Variants in FYB2 observed in about 807,000 individuals in gnomAD.
FYB2 encodes the protein FYN binding protein 2.
FYB2 carries 103 observed loss-of-function variants against 94.1 expected under a neutral mutation model. The ratio of observed to expected loss-of-function variants is 1.09; its 90% CI spans 0.93 to 1.29. FYB2 has a LOEUF of 1.29. Among genes scored for constraint, FYB2 ranks in the 50% most tolerant of loss-of-function variants. The probability of loss-of-function intolerance (pLI) is 0.00; values close to 1 mark genes in which losing one functional copy is unlikely to be tolerated. For missense variants in FYB2, 896 were observed against 841.5 expected, an observed-to-expected ratio of 1.06 and a Z score of -0.80; for synonymous variants, 293 against 287.9, an observed-to-expected ratio of 1.02 and a Z score of -0.18.
chr1:56,750,845 A>G (rs115201417), intron 9 of FYB2, among the ~76,000 whole-genome samples, 199 bp downstream of exon 9: 142 of 152,118 alleles, frequency 9.3e-4, no homozygotes, highest in Middle Eastern at 3.4e-3. Flanking sequence ...TAAGTATTAG[A>G]GCTTAGGTTT....
At chr1:56,787,057 T>C in intron 4 of FYB2, 118 bp downstream of exon 4, 1 of 1,145,506 alleles carries the variant, frequency 8.7e-7, no homozygotes, top group Non-Finnish European at 1.3e-6. Context: ...GTTCACTGCT[T>C]CTGAAACCCT....
intron 6 of FYB2, 43 bp from the exon 7 acceptor site, chr1:56,755,970 G>T (rs371178302): frequency 1.3e-6 from 2 of 1,570,490 alleles, no homozygotes; most frequent in Non-Finnish European, 1.8e-6. Context: ...AAATCAACCT[G>T]AATCAGGCTC....
At chr1:56,777,344 T>A (rs1222771888) in intron 4 of FYB2, among the ~76,000 whole-genome samples, 1 of 149,772 alleles carries the variant, frequency 6.7e-6, no homozygotes, top group African/African-American at 2.4e-5. Flanking sequence ...GAGCTCAAAC[T>A]ATGAATCCAA....
chr1:56,814,183 T>C (rs1365737339), intron 1 of FYB2, among the ~76,000 whole-genome samples: 1 of 152,174 alleles, frequency 6.6e-6, no homozygotes, highest in East Asian at 1.9e-4. Context: ...GCTAGGAAAC[T>C]GGAACATGAG....
chr1:56,722,247 T>C (rs1423944537), intron 17 of FYB2, among the ~76,000 whole-genome samples: 1 of 152,146 alleles, frequency 6.6e-6, no homozygotes, highest in Non-Finnish European at 1.5e-5. Flanking sequence ...TCAGTGATGA[T>C]GAGAGATTTG....
At chr1:56,733,394 T>C (rs758843355) in intron 15 of FYB2, among the ~76,000 whole-genome samples, 42 of 152,134 alleles carry the variant, frequency 2.8e-4, no homozygotes, top group Non-Finnish European at 5.3e-4. Flanking sequence ...CCTGGATTCA[T>C]TGATTTTTTG....
At position 56,772,330 on chromosome 1, in the gene FYB2, A is replaced by G. The variant is rs541036530; in HGVS notation, c.954-4392T>C. Among the ~76,000 whole-genome samples, 4 of 152,306 alleles carry G rather than the reference A, an allele frequency of 2.6e-5. No homozygotes were observed. In the South Asian group the frequency reaches 8.3e-4, roughly 32 times the overall value. On this transcript the variant is annotated intron_variant, in intron 4 of 19. Coordinates refer to ENST00000343433, the MANE Select transcript of FYB2 (RefSeq NM_001004303.5). ...CCAAAGTTTCCAAAAAGGCATCTTT[A>G]GGATCAATTGTCTTTGCAGAGAATC...
chr1:56,740,089 T>C (rs1031563043), intron 13 of FYB2, among the ~76,000 whole-genome samples: 25 of 152,054 alleles, frequency 1.6e-4, no homozygotes, highest in African/African-American at 6.0e-4. Context: ...ATGGAATAAA[T>C]GGCAGAACTG....
Position 56,792,345 on chromosome 1 carries a change from G to A in FYB2, c.468C>T (p.Ala156=). The part of the protein sequence containing the change: ...VSSQKSEMSS[A]LLLANYGSKA... ...TACTTCCATAGTTGGCAAGGAGAAG[G>A]GCTGAAGACATTTCACTTTTCTGAG... The change falls in exon 2 of 20, where the codon GCC becomes GCT. Residue 156 remains alanine (A), a synonymous_variant. Coordinates refer to ENST00000343433, the MANE Select transcript of FYB2 (RefSeq NM_001004303.5). 3 of 1,614,084 alleles carry A rather than the reference G, an allele frequency of 1.9e-6. No homozygotes were observed. In the South Asian group the frequency reaches 3.3e-5, roughly 18 times the overall value.
At chr1:56,765,984 G>A (rs1276217420) in intron 5 of FYB2, among the ~76,000 whole-genome samples, 3 of 152,176 alleles carry the variant, frequency 2.0e-5, no homozygotes, top group Non-Finnish European at 4.4e-5. Flanking sequence ...ACGTGGTCCA[G>A]AGAGAGAAGG....
intron 4 of FYB2, among the ~76,000 whole-genome samples, chr1:56,785,990 G>A (rs569652091): frequency 5.9e-5 from 9 of 152,300 alleles, no homozygotes; most frequent in African/African-American, 2.2e-4. Flanking sequence ...AAAAGTACTG[G>A]TGTGATTGGG....
At chr1:56,741,071 A>G (rs1216171199) in intron 12 of FYB2, among the ~76,000 whole-genome samples, 2 of 152,026 alleles carry the variant, frequency 1.3e-5, no homozygotes, top group Non-Finnish European at 2.9e-5. Context: ...ATCATTAGGC[A>G]ATATATTTAT....
intron 7 of FYB2, 77 bp from the exon 8 acceptor site, chr1:56,754,012 G>T: frequency 2.4e-6 from 2 of 848,036 alleles, no homozygotes; most frequent in African/African-American, 1.7e-5. Flanking sequence ...AATCCTAAAT[G>T]AAATGAATGG....
chr1:56,813,214 G>A (rs570822880), intron 1 of FYB2, among the ~76,000 whole-genome samples: 3 of 152,244 alleles, frequency 2.0e-5, no homozygotes, highest in East Asian at 1.9e-4. Context: ...GTATTAGTCC[G>A]TTCTTACGCT....
In FYB2 at chr1:56,759,693, A is replaced by G. The variant is rs192419813; in HGVS notation, c.1064-943T>C. Among the ~76,000 whole-genome samples, 37 of 152,250 alleles carry G rather than the reference A, an allele frequency of 2.4e-4. No homozygotes were observed. In the East Asian group the frequency reaches 6.8e-3, roughly 28 times the overall value. On this transcript the variant is annotated intron_variant, in intron 5 of 19. Coordinates refer to ENST00000343433, the MANE Select transcript of FYB2 (RefSeq NM_001004303.5). ...CTCCTACATAGGGTGTTTCAGACAA[A>G]TTACTTCATTTCTTTGAGCCTCAGC... is the stretch of plus-strand genomic sequence containing the variant.
intron 5 of FYB2, among the ~76,000 whole-genome samples, chr1:56,765,613 C>G (rs1456561888): frequency 2.6e-5 from 4 of 152,150 alleles, no homozygotes; most frequent in African/African-American, 9.7e-5. Context: ...TGCCCTTTTC[C>G]TGGTCGTTTG....
intron 1 of FYB2, among the ~76,000 whole-genome samples, chr1:56,811,840 C>T (rs557058082): frequency 6.6e-6 from 1 of 152,288 alleles, no homozygotes; most frequent in Admixed American, 6.5e-5. Context: ...GAAGGTGGTT[C>T]TTCCCTGTTA....
chr1:56,799,714 C>T (rs925008942), intron 1 of FYB2, among the ~76,000 whole-genome samples: 7 of 152,166 alleles, frequency 4.6e-5, no homozygotes, highest in Non-Finnish European at 1.0e-4. Flanking sequence ...GTTTTGATCT[C>T]TGCTTTATAA....
At chr1:56,781,641 A>G (rs142964557) in intron 4 of FYB2, among the ~76,000 whole-genome samples, 122 of 152,286 alleles carry the variant, frequency 8.0e-4, no homozygotes, top group Admixed American at 1.7e-3. Context: ...ACCTTTTCCC[A>G]TGAAATTTAT....
Sources: allele counts gnomAD v4.1 joint callset (sites outside exome capture counted in the v4.1 genomes callset), GRCh38; gene constraint gnomAD v4.1.1; transcripts MANE v1.5; gene names NCBI Gene and HGNC (gene_info 2026-07-23, HGNC 2026-07-21).